RBM47: variants seen among roughly 807,000 people sequenced by gnomAD.
RBM47 encodes the protein RNA-binding protein 47.
Under a neutral mutation model 47.1 loss-of-function variants are expected in RBM47, and 21 were observed. That is an observed-to-expected ratio of 0.45 (90% CI 0.32 to 0.64). RBM47 has a LOEUF of 0.64. Ranked by LOEUF, RBM47 falls within the 30% of genes least tolerant of loss-of-function variation. The pLI, the probability that RBM47 is intolerant of heterozygous loss-of-function variation, is 0.05. For synonymous variants in RBM47, 375 were observed against 361.7 expected (o/e 1.04, Z -0.42); for missense variants, 708 against 870.9 (o/e 0.81, Z 2.35).
At chr4:40,613,979 C>A (rs1736464112) in intron 1 of RBM47, among the ~76,000 whole-genome samples, 1 of 151,886 alleles carries the variant, frequency 6.6e-6, no homozygotes, top group African/African-American at 2.4e-5. Context: ...GCCAGAAGCT[C>A]CCAATCCCCA....
chr4:40,594,941 T>G (rs1184485290), intron 1 of RBM47, among the ~76,000 whole-genome samples: 1 of 152,180 alleles, frequency 6.6e-6, no homozygotes, highest in Non-Finnish European at 1.5e-5. Flanking sequence ...GATTAATCTT[T>G]GTATTCTATC....
chr4:40,491,034 G>C (rs2154246371), intron 2 of RBM47, among the ~76,000 whole-genome samples: 1 of 152,270 alleles, frequency 6.6e-6, no homozygotes, highest in East Asian at 1.9e-4. Context: ...CAAAGCTACA[G>C]TAAACGAGAC....
chr4:40,466,278 A>G (rs1263160450), intron 3 of RBM47, among the ~76,000 whole-genome samples: 1 of 151,780 alleles, frequency 6.6e-6, no homozygotes, highest in African/African-American at 2.4e-5. Flanking sequence ...AAAAAAAAAA[A>G]AAAAAAAGAA....
intron 4 of RBM47, among the ~76,000 whole-genome samples, chr4:40,437,090 A>AAAAAAAAAAATATAT (rs1256296949): frequency 2.0e-5 from 1 of 49,804 alleles, no homozygotes; most frequent in African/African-American, 1.1e-4. Flanking sequence ...AAAAAAAAAA[A>AAAAAAAAAAATATAT]ATATATATAT....
At chr4:40,449,564 G>C (rs1715083832) in intron 3 of RBM47, among the ~76,000 whole-genome samples, 1 of 152,162 alleles carries the variant, frequency 6.6e-6, no homozygotes, top group Admixed American at 6.5e-5. Flanking sequence ...GGGTTCTCAG[G>C]GAGGCCTGCT....
At chr4:40,596,062 G>C (rs546480348) in intron 1 of RBM47, among the ~76,000 whole-genome samples, 22 of 152,374 alleles carry the variant, frequency 1.4e-4, no homozygotes, top group Middle Eastern at 3.4e-3. Flanking sequence ...AAAGCTGCAA[G>C]GGAATGCAAT....
intron 1 of RBM47, among the ~76,000 whole-genome samples, chr4:40,554,548 A>G (rs1488955137): frequency 6.6e-6 from 1 of 152,034 alleles, no homozygotes; most frequent in Non-Finnish European, 1.5e-5. Context: ...AGCACTTTAT[A>G]TATATATGCT....
intron 1 of RBM47, among the ~76,000 whole-genome samples, chr4:40,596,969 T>C (rs780982438): frequency 1.9e-4 from 29 of 152,308 alleles, no homozygotes; most frequent in Non-Finnish European, 4.0e-4. Flanking sequence ...ATTTAAAGTT[T>C]TAATTTATCG....
intron 2 of RBM47, among the ~76,000 whole-genome samples, chr4:40,538,518 G>C (rs1728194949): frequency 1.3e-5 from 2 of 151,976 alleles, no homozygotes; most frequent in African/African-American, 4.8e-5. Context: ...GTAGAAACAG[G>C]GTTTCACTAC....
chr4:40,497,341 G>A (rs974019199), intron 2 of RBM47, among the ~76,000 whole-genome samples: 5 of 152,028 alleles, frequency 3.3e-5, no homozygotes, highest in African/African-American at 9.7e-5. Flanking sequence ...GCAAAGGGCC[G>A]GGCATGGTGG....
At chr4:40,599,030 A>T (rs776740320) in intron 1 of RBM47, among the ~76,000 whole-genome samples, 4 of 152,046 alleles carry the variant, frequency 2.6e-5, no homozygotes, top group Non-Finnish European at 5.9e-5. Context: ...CAAGGTGGGC[A>T]GATCACTTGA....
intron 1 of RBM47, among the ~76,000 whole-genome samples, chr4:40,593,456 T>C (rs1457617571): frequency 6.6e-6 from 1 of 152,090 alleles, no homozygotes; most frequent in African/African-American, 2.4e-5. Context: ...CACCTGTACA[T>C]CCCTGCCAAG....
chr4:40,603,391 T>C (rs1439002565), intron 1 of RBM47, among the ~76,000 whole-genome samples: 1 of 152,226 alleles, frequency 6.6e-6, no homozygotes, highest in Non-Finnish European at 1.5e-5. Context: ...GGGATATTTT[T>C]AATGGTGCTA....
chr4:40,535,547 T>C (rs1577906744), intron 2 of RBM47, among the ~76,000 whole-genome samples: 2 of 134,194 alleles, frequency 1.5e-5, no homozygotes, highest in South Asian at 2.3e-4. Context: ...AATTTTTGTA[T>C]TTTTTTTTTT....
At chr4:40,446,950 T>C (rs1358493431) in intron 3 of RBM47, among the ~76,000 whole-genome samples, 2 of 152,084 alleles carry the variant, frequency 1.3e-5, no homozygotes, top group Non-Finnish European at 2.9e-5. Flanking sequence ...ATTCCTTTCA[T>C]AGCAGGTAAG....
intron 1 of RBM47, among the ~76,000 whole-genome samples, chr4:40,558,147 G>T (rs1434835186): frequency 6.6e-6 from 1 of 152,092 alleles, no homozygotes; most frequent in Non-Finnish European, 1.5e-5. Flanking sequence ...TGCAGATGGA[G>T]AAAACTGAAG....
rs1214746731 is a variant in RBM47, at chr4:40,551,364, C to A, written c.-239-6858G>T. Among the ~76,000 whole-genome samples, 12 of 152,262 alleles carry A rather than the reference C, an allele frequency of 7.9e-5. No homozygotes were observed. The East Asian group carries it at 2.1e-3, about 27-fold the overall frequency. On this transcript the variant is annotated intron_variant, in intron 1 of 6. Coordinates refer to ENST00000295971, the MANE Select transcript of RBM47 (RefSeq NM_001098634.2). ...GGAATCAGCATATCAGAAGCAAGCA[C>A]GTCTCAAACAAGGTCAGGGCAAAGA...
At chr4:40,566,515 C>T (rs754973309) in intron 1 of RBM47, among the ~76,000 whole-genome samples, 8 of 151,942 alleles carry the variant, frequency 5.3e-5, no homozygotes, top group East Asian at 1.9e-4. Context: ...TATGGTGGCG[C>T]GTGCCTGTAA....
In RBM47 at chr4:40,574,260, A is replaced by G. The variant is rs185631877; in HGVS notation, c.-239-29754T>C. 2.0e-3 allele frequency among the ~76,000 whole-genome samples: 307 copies of G among 152,352 alleles called. 3 individuals are homozygous for G. Among genetic ancestry groups the G allele is most frequent in the African/African-American group, 6.9e-3 (288 of 41,584 alleles). ...TCATTATTTCAGAAATAGACTGGGT[A>G]AAACTAGTACCATGAGAAGAAACAA... On this transcript the variant is annotated intron_variant, in intron 1 of 6. Transcript: ENST00000295971.
Sources: gnomAD v4.1 joint callset for allele counts (sites outside exome capture counted in the v4.1 genomes callset) on GRCh38, gnomAD v4.1.1 for gene constraint, MANE v1.5 for transcripts, NCBI Gene and HGNC (gene_info 2026-07-23, HGNC 2026-07-21) for gene names.